The following RASSF5 variants were observed in gnomAD, a reference collection of about 807,000 sequenced individuals.
RASSF5 encodes the protein Ras association domain family member 5.
In RASSF5, 25 loss-of-function variants were observed where a neutral mutation model predicts 40.5. That is an observed-to-expected ratio of 0.62 (90% CI 0.45 to 0.86). The LOEUF (loss-of-function observed/expected upper bound fraction) is 0.86. Among genes scored for constraint, RASSF5 ranks in the 40% least tolerant of loss-of-function variants. The probability of loss-of-function intolerance (pLI) is 0.00; values close to 1 mark genes in which losing one functional copy is unlikely to be tolerated. For synonymous variants in RASSF5, 246 were observed against 252.4 expected (o/e 0.97, Z 0.24); for missense variants, 521 against 572.8 (o/e 0.91, Z 0.92).
intron 1 of RASSF5, among the ~76,000 whole-genome samples, chr1:206,522,913 G>A (rs898955659): frequency 6.6e-6 from 1 of 152,130 alleles, no homozygotes; most frequent in Non-Finnish European, 1.5e-5. Context: ...AAGATGACTA[G>A]ATTCATTTAA....
chr1:206,558,239 G>GC (rs1668043910), intron 2 of RASSF5, among the ~76,000 whole-genome samples: 1 of 152,230 alleles, frequency 6.6e-6, no homozygotes, highest in Non-Finnish European at 1.5e-5. Flanking sequence ...CTGCTGTCAT[G>GC]CTACCACTTT....
chr1:206,544,328 T>C (rs368762864), intron 2 of RASSF5: 1 of 152,144 alleles, frequency 6.6e-6, no homozygotes, highest in Non-Finnish European at 1.5e-5. Context: ...CCTCTAACAG[T>C]CTTGCTAGAT....
At chr1:206,547,710 A>G (rs2103530928) in intron 2 of RASSF5, among the ~76,000 whole-genome samples, 1 of 152,310 alleles carries the variant, frequency 6.6e-6, no homozygotes, top group Middle Eastern at 3.4e-3. Flanking sequence ...GTCTTCCACA[A>G]AACCAGTCCC....
intron 1 of RASSF5, among the ~76,000 whole-genome samples, chr1:206,536,108 G>C (rs1365223505): frequency 6.6e-6 from 1 of 152,158 alleles, no homozygotes; most frequent in African/African-American, 2.4e-5. Context: ...GCGGGCAGAA[G>C]TTTGGCCTGC....
chr1:206,519,136 G>A (rs947368150), intron 1 of RASSF5, among the ~76,000 whole-genome samples: 1 of 152,152 alleles, frequency 6.6e-6, no homozygotes, highest in African/African-American at 2.4e-5. Flanking sequence ...AACAGTCCTC[G>A]CCTGAAGAAG....
At chr1:206,559,671 C>T (rs2103540812) in intron 2 of RASSF5, among the ~76,000 whole-genome samples, 1 of 152,332 alleles carries the variant, frequency 6.6e-6, no homozygotes, top group Middle Eastern at 3.4e-3. Context: ...AGACAGGAAT[C>T]CCTTCTAAGA....
chr1:206,557,671 C>G, intron 2 of RASSF5: 1 of 1,614,200 alleles, frequency 6.2e-7, no homozygotes, highest in Non-Finnish European at 8.5e-7. Context: ...TTCAGAAATG[C>G]GCAGAGCAAA....
At chr1:206,583,240 A>G (rs1031405011) in intron 2 of RASSF5, 29 bp from the exon 3 acceptor site, 1 of 1,456,850 alleles carries the variant, frequency 6.9e-7, no homozygotes, top group South Asian at 1.1e-5. Context: ...ACTACTACAC[A>G]TCCACCTCCA....
chr1:206,577,170 T>C (rs1171547515), intron 2 of RASSF5, among the ~76,000 whole-genome samples: 1 of 152,096 alleles, frequency 6.6e-6, no homozygotes, highest in Non-Finnish European at 1.5e-5. Context: ...TGTGCCACAA[T>C]AGTAGAGTTG....
At chr1:206,557,468 G>A in intron 2 of RASSF5, 2 of 1,554,092 alleles carry the variant, frequency 1.3e-6, no homozygotes, top group East Asian at 2.3e-5. Context: ...AGAGCTAGGG[G>A]CTTACGCCAA....
At chr1:206,553,966 T>C (rs950555592) in intron 2 of RASSF5, among the ~76,000 whole-genome samples, 1 of 152,240 alleles carries the variant, frequency 6.6e-6, no homozygotes, top group Non-Finnish European at 1.5e-5. Flanking sequence ...TTCACTTGCC[T>C]TAACCTCCTT....
chr1:206,534,704 A>G (rs1376712836), intron 1 of RASSF5, among the ~76,000 whole-genome samples: 3 of 152,048 alleles, frequency 2.0e-5, no homozygotes, highest in Non-Finnish European at 2.9e-5. Context: ...GTTGTTAGTT[A>G]TCTTTTCACA....
At chr1:206,573,746 G>A (rs898847513) in intron 2 of RASSF5, among the ~76,000 whole-genome samples, 1 of 152,248 alleles carries the variant, frequency 6.6e-6, no homozygotes, top group Non-Finnish European at 1.5e-5. Flanking sequence ...AGTGGCTCAC[G>A]CCTGTAATCC....
chr1:206,529,308 G>A, intron 1 of RASSF5: 1 of 808,814 alleles, frequency 1.2e-6, no homozygotes, highest in South Asian at 1.4e-5. Context: ...GAGACCACCT[G>A]TCCTTCGAGC....
chr1:206,537,690 G>A (rs559865844), intron 1 of RASSF5, among the ~76,000 whole-genome samples: 1 of 152,326 alleles, frequency 6.6e-6, no homozygotes, highest in South Asian at 2.1e-4. Flanking sequence ...AAGAGTTTCA[G>A]ATTTTGGAGC....
intron 1 of RASSF5, chr1:206,529,826 G>T (rs1303521924): frequency 3.2e-5 from 12 of 373,382 alleles, no homozygotes; most frequent in Non-Finnish European, 6.1e-5. Flanking sequence ...TCAGTGGGAG[G>T]ATTGCTTGAG....
intron 1 of RASSF5, among the ~76,000 whole-genome samples, chr1:206,514,059 G>A (rs1319522898): frequency 1.3e-5 from 2 of 152,246 alleles, no homozygotes; most frequent in African/African-American, 4.8e-5. Context: ...TGGCCCACAA[G>A]GCCATGCCGG....
Position 206,507,957 on chromosome 1 carries a change from C to T in RASSF5, c.355C>T (p.Arg119Ter), listed in dbSNP as rs1553394094. Residue 119 changes from arginine to a stop codon, truncating the protein, a stop_gained, in exon 1 of 6, where the codon CGA becomes TGA. Transcript: ENST00000579436. LOFTEE classifies it high-confidence loss of function. ...GCAGGATCCCAGAGTCCCGGCGGAG[C>T]GAGGCGAGGGGCACTGCTTCGCCGA... is the stretch of plus-strand genomic sequence containing the variant. The part of the protein sequence containing the change: ...QPQDPRVPAE[R>*]GEGHCFAELV... The T allele has an allele frequency of 6.5e-7, 1 of 1,531,312 alleles. No individual in the cohort carries two copies. The highest frequency in any genetic ancestry group is 8.7e-7 in the Non-Finnish European group (1 of 1,146,504). 94.9% of individuals were successfully genotyped at this position (1,531,312 alleles called of 1,614,324 possible). A position where few individuals can be genotyped will look rare whatever the true frequency, so the allele number is the denominator to read the frequency against.
intron 2 of RASSF5, among the ~76,000 whole-genome samples, chr1:206,555,302 T>G (rs1202556354): frequency 1.3e-5 from 2 of 152,124 alleles, no homozygotes; most frequent in Non-Finnish European, 2.9e-5. Flanking sequence ...TATGTGAAGG[T>G]TGCATTGCAG....
Sources: allele counts gnomAD v4.1 joint callset (sites outside exome capture counted in the v4.1 genomes callset), GRCh38; gene constraint gnomAD v4.1.1; transcripts MANE v1.5; gene names NCBI Gene and HGNC (gene_info 2026-07-23, HGNC 2026-07-21).